The following PSMG2 variants were observed in gnomAD, a reference collection of about 807,000 sequenced individuals.
The protein encoded by PSMG2 is proteasome assembly chaperone 2.
In PSMG2, 21 loss-of-function variants were observed where a neutral mutation model predicts 31.5. That is an observed-to-expected ratio of 0.67 (90% CI 0.47 to 0.96). The LOEUF is 0.96. PSMG2 is among the 40% of genes least tolerant of loss of function. The probability of loss-of-function intolerance (pLI) is 0.00; values close to 1 mark genes in which losing one functional copy is unlikely to be tolerated. For missense variants in PSMG2, 318 were observed against 321.2 expected (o/e 0.99, Z 0.08); for synonymous variants, 120 against 110.4 (o/e 1.09, Z -0.54).
chr18:12,703,118 C>T lies in PSMG2; in HGVS notation c.11C>T (p.Pro4Leu), dbSNP rs1299985856. 1.2e-6 allele frequency: 2 copies of T among 1,612,492 alleles called. No individual in the cohort carries two copies. Among genetic ancestry groups the T allele is most frequent in the Non-Finnish European group, 1.7e-6 (2 of 1,179,652 alleles). ...CACCCCACTGCGACCATGTTCGTTC[C>T]CTGCGGGGAGTCGGCCCCCGACCTT... MFV[P>L]CGESAPDLAG... Residue 4 changes from proline (P) to leucine (L), a missense_variant, in exon 1 of 7, where the codon CCC (proline) becomes CTC (leucine). Transcript: ENST00000317615.
chr18:12,672,325 A>G (rs2038969700), intron 1 of PSMG2, among the ~76,000 whole-genome samples: 1 of 152,056 alleles, frequency 6.6e-6, no homozygotes, highest in South Asian at 2.1e-4. Flanking sequence ...CATGTTGCCC[A>G]GGCTGGTCAC....
At position 12,703,117 on chromosome 18, in the gene PSMG2, C is replaced by T. The variant is rs1420281570; in HGVS notation, c.10C>T (p.Pro4Ser). 3 of 1,612,502 alleles carry T rather than the reference C, an allele frequency of 1.9e-6. No individual in the cohort carries two copies. The highest frequency in any genetic ancestry group is 2.7e-5 in the African/African-American group (2 of 74,906). The change falls in exon 1 of 7, where the codon CCC (proline) becomes TCC (serine). Residue 4 changes from proline (P) to serine (S), a missense_variant. Coordinates refer to ENST00000317615, the MANE Select transcript of PSMG2 (RefSeq NM_020232.5). ...CCACCCCACTGCGACCATGTTCGTT[C>T]CCTGCGGGGAGTCGGCCCCCGACCT... MFV[P>S]CGESAPDLAG... is the part of the protein sequence containing the mutation.
intron 5 of PSMG2, among the ~76,000 whole-genome samples, chr18:12,721,764 G>A (rs779290141): frequency 4.3e-4 from 65 of 149,672 alleles, no homozygotes; most frequent in South Asian, 1.9e-3. Context: ...ATTTTTTTCC[G>A]CTAGCTTTGG....
chr18:12,725,430 C>G lies in PSMG2; in HGVS notation c.703-9C>G. On this transcript the variant is annotated splice_polypyrimidine_tract_variant and intron_variant, in intron 6 of 6. Coordinates refer to ENST00000317615, the MANE Select transcript of PSMG2 (RefSeq NM_020232.5). The stretch of plus-strand genomic sequence containing the variant: ...TTAAAGATTAAAATATTTTGTTCTT[C>G]AATTACAGAGCGATGACCCCACAGT... The G allele has an allele frequency of 6.5e-7, 1 of 1,549,780 alleles. No homozygotes were observed. Among genetic ancestry groups the G allele is most frequent in the Non-Finnish European group, 8.9e-7 (1 of 1,128,894 alleles).
chr18:12,717,017 A>G (rs1171451034), intron 3 of PSMG2, among the ~76,000 whole-genome samples: 3 of 140,572 alleles, frequency 2.1e-5, no homozygotes, highest in African/African-American at 5.4e-5. Flanking sequence ...TGGCACAACT[A>G]TGGCTCACTA....
intron 1 of PSMG2, among the ~76,000 whole-genome samples, chr18:12,697,720 C>T (rs956543188): frequency 6.6e-6 from 1 of 152,164 alleles, no homozygotes; most frequent in South Asian, 2.1e-4. Context: ...CAATAAAAAG[C>T]CTTCAAGTAT....
intron 1 of PSMG2, among the ~76,000 whole-genome samples, chr18:12,675,524 G>A (rs999243692): frequency 5.9e-5 from 9 of 152,082 alleles, no homozygotes; most frequent in African/African-American, 2.2e-4. Flanking sequence ...AATTCTATGT[G>A]ATTAAACAAA....
At chr18:12,684,923 T>A (rs2039485965) in intron 1 of PSMG2, 1 of 152,200 alleles carries the variant, frequency 6.6e-6, no homozygotes, top group Non-Finnish European at 1.5e-5. Context: ...TGTATTTAAA[T>A]ACAAACTAAA....
chr18:12,702,428 C>G, upstream of PSMG2: 1 of 1,352,096 alleles, frequency 7.4e-7, no homozygotes, highest in Non-Finnish European at 1.0e-6. Flanking sequence ...GGCCGCCGGG[C>G]AGGAGGGAAA....
intron 1 of PSMG2, among the ~76,000 whole-genome samples, chr18:12,669,823 A>G (rs2038895036): frequency 6.6e-6 from 1 of 151,938 alleles, no homozygotes; most frequent in African/African-American, 2.4e-5. Flanking sequence ...CAACATGCAG[A>G]AACCCTGTCT....
chr18:12,662,263 A>AC, intron 1 of PSMG2: 2 of 422,508 alleles, frequency 4.7e-6, no homozygotes, highest in Admixed American at 5.6e-5. Flanking sequence ...AATACCTTAT[A>AC]CATCTGTAGT....
intron 1 of PSMG2, among the ~76,000 whole-genome samples, chr18:12,669,019 C>T (rs1263282093): frequency 6.9e-6 from 1 of 143,936 alleles, no homozygotes; most frequent in African/African-American, 2.6e-5. Flanking sequence ...CTTGAGCTAC[C>T]GCACCCCCCG....
chr18:12,708,743 T>C (rs1403080709), intron 2 of PSMG2, among the ~76,000 whole-genome samples: 5 of 149,842 alleles, frequency 3.3e-5, no homozygotes, highest in African/African-American at 7.3e-5. Flanking sequence ...TTTGTTCTTG[T>C]TGCCCAGGCT....
chr18:12,690,746 C>T lies in PSMG2; in HGVS notation c.-36-15804C>T, dbSNP rs542368967. ...CTGGGATTACAGGCGTGAGCCACCG[C>T]GCCTAGCTGACCTGACCATATATTT... On this transcript the variant is annotated intron_variant, in intron 1 of 6. Transcript: ENST00000585331. 6.6e-5 allele frequency among the ~76,000 whole-genome samples: 10 copies of T among 152,226 alleles called. No homozygotes were observed. The East Asian group carries it at 1.2e-3, about 18-fold the overall frequency.
intron 2 of PSMG2, among the ~76,000 whole-genome samples, chr18:12,710,773 A>G (rs1905830732): frequency 1.3e-5 from 2 of 152,122 alleles, no homozygotes; most frequent in African/African-American, 4.8e-5. Flanking sequence ...ATCAGAAGAA[A>G]AAAGTACTAG....
chr18:12,697,092 T>C lies in PSMG2; in HGVS notation c.-36-9458T>C, dbSNP rs555250335. 17 of 628,478 alleles carry C rather than the reference T, an allele frequency of 2.7e-5. No individual in the cohort carries two copies. In the African/African-American group the frequency reaches 3.0e-4, roughly 11 times the overall value. The allele number at this position is 628,478 out of a possible 1,614,324, so 38.9% of individuals were successfully genotyped here. A position where few individuals can be genotyped will look rare whatever the true frequency, so the allele number is the denominator to read the frequency against. ...TCAAGATTAGGATGCTGAGGTCCAA[T>C]TGTAACTCTAACGAAATTCTATTTT... On this transcript the variant is annotated intron_variant, in intron 1 of 6. Transcript: ENST00000585331.
At chr18:12,708,616 G>A (rs1043436731) in intron 2 of PSMG2, among the ~76,000 whole-genome samples, 5 of 151,752 alleles carry the variant, frequency 3.3e-5, no homozygotes, top group Admixed American at 1.3e-4. Flanking sequence ...TGCCTGTCTT[G>A]GCCTCCTAAA....
intron 2 of PSMG2, among the ~76,000 whole-genome samples, chr18:12,708,562 C>T (rs2145135532): frequency 6.6e-6 from 1 of 151,368 alleles, no homozygotes; most frequent in Non-Finnish European, 1.5e-5. Flanking sequence ...CGGAGTTTCT[C>T]CATGTTGGTC....
At chr18:12,670,823 A>AT (rs1416578211) in intron 1 of PSMG2, 5 of 151,854 alleles carry the variant, frequency 3.3e-5, no homozygotes, top group African/African-American at 1.2e-4. Flanking sequence ...AATTTTTTAC[A>AT]TTTTTTGTAG....
Sources: allele counts gnomAD v4.1 joint callset (sites outside exome capture counted in the v4.1 genomes callset), GRCh38; gene constraint gnomAD v4.1.1; transcripts MANE v1.5; gene names NCBI Gene and HGNC (gene_info 2026-07-23, HGNC 2026-07-21).